The following USP33 variants were observed in gnomAD, a reference collection of about 807,000 sequenced individuals.
USP33 encodes ubiquitin specific peptidase 33, also known as ubiquitin carboxyl-terminal hydrolase 33.
In USP33, 46 loss-of-function variants were observed where a neutral mutation model predicts 124.2. The observed-to-expected ratio is 0.37, with a 90% CI of 0.29 to 0.47. USP33 has a LOEUF of 0.47. Ranked by LOEUF, USP33 falls within the 20% of genes least tolerant of loss-of-function variation. USP33 has a pLI of 0.99. For missense variants in USP33, 851 were observed against 1,070.6 expected (o/e 0.79, Z 2.86); for synonymous variants, 350 against 352.3 (o/e 0.99, Z 0.07).
chr1:77,748,598 G>A lies in USP33; in HGVS notation c.-51-6850C>T, dbSNP rs185185427. On this transcript the variant is annotated intron_variant, in intron 1 of 23. Coordinates refer to ENST00000370794, the MANE Select transcript of USP33 (RefSeq NM_201624.3). ...GCAGGAGAATCACTTTAACCCGGGA[G>A]GCAGAGGCTGCAGTGAGCCAAGATT... Among the ~76,000 whole-genome samples, 1,187 of 151,916 alleles carry A rather than the reference G, an allele frequency of 7.8e-3. 7 individuals are homozygous for A. Among genetic ancestry groups the A allele is most frequent in the Non-Finnish European group, 0.012 (832 of 67,968 alleles).
chr1:77,713,858 T>C (rs992182085), intron 19 of USP33, among the ~76,000 whole-genome samples: 1 of 152,208 alleles, frequency 6.6e-6, no homozygotes, highest in African/African-American at 2.4e-5. Context: ...AGCTCAATCA[T>C]TATTCTTACA....
intron 21 of USP33, chr1:77,711,516 G>T (rs573515621): frequency 1.7e-5 from 9 of 516,300 alleles, no homozygotes; most frequent in African/African-American, 1.6e-4. Context: ...GACAGAGCAA[G>T]ATTTTGTCTC....
chr1:77,726,576 G>A (rs61777136), intron 10 of USP33, among the ~76,000 whole-genome samples: 2 of 151,230 alleles, frequency 1.3e-5, no homozygotes, highest in Non-Finnish European at 2.9e-5. Context: ...AGCCCAGGAG[G>A]TTGAGGCTGT....
At chr1:77,729,740 T>C in intron 9 of USP33, 120 bp downstream of exon 9, 1 of 863,858 alleles carries the variant, frequency 1.2e-6, no homozygotes, top group Non-Finnish European at 1.9e-6. Context: ...GTTACTATTC[T>C]TGGCAAAAGA....
chr1:77,722,848 T>C (rs1676727608), intron 12 of USP33, among the ~76,000 whole-genome samples: 1 of 152,242 alleles, frequency 6.6e-6, no homozygotes, highest in African/African-American at 2.4e-5. Flanking sequence ...TTCATGATGA[T>C]TTTAATGTAT....
intron 11 of USP33, among the ~76,000 whole-genome samples, chr1:77,725,012 A>G (rs1445778691): frequency 6.6e-6 from 1 of 152,172 alleles, no homozygotes; most frequent in Non-Finnish European, 1.5e-5. Flanking sequence ...ACTGTACTCC[A>G]GCCTGGGCGA....
chr1:77,746,071 CA>C (rs1341683698), intron 1 of USP33, among the ~76,000 whole-genome samples: 2 of 151,970 alleles, frequency 1.3e-5, no homozygotes, highest in African/African-American at 4.8e-5. Context: ...AAAAACCCTT[CA>C]AAAAATTAAT....
At chr1:77,743,644 C>A (rs1557865117) in intron 1 of USP33, among the ~76,000 whole-genome samples, 1 of 152,000 alleles carries the variant, frequency 6.6e-6, no homozygotes, top group Non-Finnish European at 1.5e-5. Flanking sequence ...TAGACTACCC[C>A]AAGCCAGAGA....
At chr1:77,711,342 C>T (rs940483291) in intron 21 of USP33, among the ~76,000 whole-genome samples, 8 of 152,170 alleles carry the variant, frequency 5.3e-5, no homozygotes, top group African/African-American at 1.9e-4. Flanking sequence ...GCATGGCCAA[C>T]ATGGCAAAAC....
At chr1:77,750,798 G>A (rs1332300993) in intron 1 of USP33, among the ~76,000 whole-genome samples, 2 of 152,134 alleles carry the variant, frequency 1.3e-5, no homozygotes, top group Non-Finnish European at 2.9e-5. Context: ...TATTTTCTTT[G>A]CCTAGTTTTA....
chr1:77,721,612 A>G, intron 14 of USP33: 1 of 522,286 alleles, frequency 1.9e-6, no homozygotes, highest in Non-Finnish European at 3.3e-6. Flanking sequence ...TTCACTTATC[A>G]TTTGTCTTAT....
At chr1:77,733,657 C>T (rs2101499817) in intron 7 of USP33, among the ~76,000 whole-genome samples, 1 of 152,276 alleles carries the variant, frequency 6.6e-6, no homozygotes. Context: ...AGGAAATGCT[C>T]ATTGGAGCAT....
At chr1:77,706,427 C>A (rs1674638226) in intron 21 of USP33, among the ~76,000 whole-genome samples, 1 of 152,142 alleles carries the variant, frequency 6.6e-6, no homozygotes, top group African/African-American at 2.4e-5. Context: ...TATACATAGT[C>A]TGGATATGAG....
intron 5 of USP33, among the ~76,000 whole-genome samples, chr1:77,737,733 T>C (rs1443565772): frequency 6.6e-6 from 1 of 152,208 alleles, no homozygotes; most frequent in Non-Finnish European, 1.5e-5. Context: ...ACTTATTCTA[T>C]CAGATTCAAC....
At chr1:77,759,250 G>A (rs1681093537) in intron 1 of USP33, 2 of 212,486 alleles carry the variant, frequency 9.4e-6, no homozygotes, top group South Asian at 1.9e-4. Context: ...CCCAGGAGCC[G>A]GCGCGCTGCA....
intron 10 of USP33, among the ~76,000 whole-genome samples, chr1:77,727,263 T>C (rs1192884887): frequency 6.6e-6 from 1 of 152,160 alleles, no homozygotes; most frequent in Non-Finnish European, 1.5e-5. Flanking sequence ...ACCTAAAAGC[T>C]CAGACTCCTG....
intron 2 of USP33, 85 bp from the exon 3 acceptor site, chr1:77,741,514 AT>A: frequency 6.5e-7 from 1 of 1,539,526 alleles, no homozygotes; most frequent in Non-Finnish European, 8.8e-7. Flanking sequence ...CATCATACAT[AT>A]TTTTAAAATA....
intron 11 of USP33, among the ~76,000 whole-genome samples, chr1:77,723,815 C>T: frequency 6.6e-6 from 1 of 152,146 alleles, no homozygotes; most frequent in East Asian, 1.9e-4. Flanking sequence ...CAGGCGCCCA[C>T]CACCACGCCC....
chr1:77,722,236 T>C, intron 12 of USP33, 40 bp from the exon 13 acceptor site: 1 of 1,539,272 alleles, frequency 6.5e-7, no homozygotes, highest in Non-Finnish European at 8.8e-7. Context: ...ATGAACATAA[T>C]GCAGTAAAAC....
Sources: gnomAD v4.1 joint callset for allele counts (sites outside exome capture counted in the v4.1 genomes callset) on GRCh38, gnomAD v4.1.1 for gene constraint, MANE v1.5 for transcripts, NCBI Gene and HGNC (gene_info 2026-07-23, HGNC 2026-07-21) for gene names.